PXDNL: variants seen among roughly 807,000 people sequenced by gnomAD.
PXDNL encodes peroxidasin like, also known as probable oxidoreductase PXDNL.
PXDNL carries 145 observed loss-of-function variants against 150.8 expected under a neutral mutation model. That is an observed-to-expected ratio of 0.96 (90% CI 0.84 to 1.10). PXDNL has a LOEUF of 1.10. Among genes scored for constraint, PXDNL ranks in the 50% least tolerant of loss-of-function variants. The pLI is 0.00. For missense variants in PXDNL, 2,087 were observed against 1,873.9 expected, an observed-to-expected ratio of 1.11 and a Z score of -2.10; for synonymous variants, 757 against 725.7, an observed-to-expected ratio of 1.04 and a Z score of -0.69.
intron 1 of PXDNL, among the ~76,000 whole-genome samples, chr8:51,762,988 T>TG (rs1339665123): frequency 6.6e-6 from 1 of 152,196 alleles, no homozygotes. Flanking sequence ...TACAATTCAG[T>TG]GGTTTCTAGC....
chr8:51,415,807 A>AT (rs1349994606), intron 14 of PXDNL, among the ~76,000 whole-genome samples: 13 of 152,270 alleles, frequency 8.5e-5, no homozygotes, highest in African/African-American at 2.9e-4. Context: ...TGTTACATAT[A>AT]TAGCAATGAT....
At chr8:51,723,870 G>T (rs970961425) in intron 1 of PXDNL, among the ~76,000 whole-genome samples, 3 of 152,144 alleles carry the variant, frequency 2.0e-5, no homozygotes, top group South Asian at 4.2e-4. Context: ...CAGTAAAACT[G>T]GTAGCAGGGA....
At chr8:51,626,701 C>T (rs541442497) in intron 2 of PXDNL, among the ~76,000 whole-genome samples, 45 of 152,120 alleles carry the variant, frequency 3.0e-4, no homozygotes, top group African/African-American at 9.7e-5. Flanking sequence ...CCAATCAGCT[C>T]GTCAATGTGA....
intron 6 of PXDNL, among the ~76,000 whole-genome samples, chr8:51,481,733 T>C (rs2130160563): frequency 6.6e-6 from 1 of 152,360 alleles, no homozygotes; most frequent in East Asian, 1.9e-4. Context: ...AACATACTTC[T>C]GAGGCCATTG....
At chr8:51,717,020 G>A (rs542829550) in intron 1 of PXDNL, among the ~76,000 whole-genome samples, 3 of 152,292 alleles carry the variant, frequency 2.0e-5, no homozygotes, top group South Asian at 2.1e-4. Context: ...CACCATACAA[G>A]ACCAGAGGAG....
At chr8:51,397,948 T>TA in intron 17 of PXDNL, among the ~76,000 whole-genome samples, 1 of 152,262 alleles carries the variant, frequency 6.6e-6, no homozygotes, top group Middle Eastern at 3.4e-3. Context: ...GACACATAGT[T>TA]AATTATGGTA....
chr8:51,332,364 C>T (rs11787070), intron 21 of PXDNL, among the ~76,000 whole-genome samples: 6,491 of 152,184 alleles, frequency 0.043, 286 homozygotes, highest in African/African-American at 0.11. Flanking sequence ...TGACAGAGCC[C>T]ACTCAAATGA....
chr8:51,339,543 G>A, intron 21 of PXDNL, 81 bp downstream of exon 21: 1 of 1,348,968 alleles, frequency 7.4e-7, no homozygotes, highest in Non-Finnish European at 1.0e-6. Context: ...CTGTAATTGT[G>A]GAGAGTTACT....
intron 16 of PXDNL, 89 bp downstream of exon 16, chr8:51,411,161 G>A: frequency 1.9e-6 from 2 of 1,069,736 alleles, no homozygotes; most frequent in Non-Finnish European, 1.2e-6. Flanking sequence ...ATGATATTCT[G>A]GAGATTAAAA....
chr8:51,448,314 G>A (rs12545563), intron 11 of PXDNL, among the ~76,000 whole-genome samples: 113,659 of 151,748 alleles, frequency 0.75, 43,652 homozygotes, highest in Non-Finnish European at 0.84. Context: ...AGGAACAGCA[G>A]CTCTTTTTTG....
Position 51,475,158 on chromosome 8 carries a change from G to T in PXDNL, c.525-17C>A, listed in dbSNP as rs188708891. The T allele has an allele frequency of 2.2e-5, 35 of 1,604,132 alleles. No individual in the cohort carries two copies. Among genetic ancestry groups the T allele is most frequent in the Admixed American group, 1.7e-4 (10 of 58,696 alleles). Reference sequence around the variant, plus strand: ...TCCAGACGCCTAGGCATGCAGGCAAGAAGTACAACTGTTAAAAGGGACTAT... The same window carrying T: ...TCCAGACGCCTAGGCATGCAGGCAATAAGTACAACTGTTAAAAGGGACTAT... On this transcript the variant is annotated splice_polypyrimidine_tract_variant and intron_variant, in intron 6 of 22. Coordinates refer to ENST00000356297, the MANE Select transcript of PXDNL (RefSeq NM_144651.5).
intron 19 of PXDNL, among the ~76,000 whole-genome samples, chr8:51,347,072 T>C (rs1806183400): frequency 6.6e-6 from 1 of 152,148 alleles, no homozygotes; most frequent in South Asian, 2.1e-4. Context: ...TTAATATTGG[T>C]GGGAAAATAC....
At chr8:51,643,805 G>A (rs1409708927) in intron 2 of PXDNL, among the ~76,000 whole-genome samples, 4 of 152,074 alleles carry the variant, frequency 2.6e-5, no homozygotes, top group African/African-American at 9.7e-5. Flanking sequence ...CTGACAAGGG[G>A]CTAATAGCCA....
Position 51,374,661 on chromosome 8 carries a change from T to A in PXDNL, c.3628A>T (p.Arg1210Ter), listed in dbSNP as rs778367237. 1 of 1,613,958 alleles carries A rather than the reference T, an allele frequency of 6.2e-7. No individual in the cohort carries two copies. Among genetic ancestry groups the A allele is most frequent in the Non-Finnish European group, 8.5e-7 (1 of 1,179,876 alleles). The stretch of plus-strand genomic sequence containing the variant: ...AGGCACATAAGTGTTGGTCCCACTC[T>A]TGTACCAGGAATCAGGTCTTCAACC... The part of the protein sequence containing the change: ...LMVEDLIPGT[R>*]VGPTLMCLFV... Residue 1210 changes from arginine to a stop codon, truncating the protein, a stop_gained, in exon 18 of 23, where the codon AGA becomes TGA. Transcript: ENST00000356297. LOFTEE classifies it high-confidence loss of function.
At chr8:51,442,228 T>C (rs539296306) in intron 12 of PXDNL, among the ~76,000 whole-genome samples, 1 of 151,410 alleles carries the variant, frequency 6.6e-6, no homozygotes, top group African/African-American at 2.4e-5. Flanking sequence ...GTGGGTTACA[T>C]ATTGTTTTCT....
intron 1 of PXDNL, among the ~76,000 whole-genome samples, chr8:51,696,819 A>G (rs1486265816): frequency 0.1 from 23 of 230 alleles, no homozygotes; most frequent in East Asian, 0.17. Flanking sequence ...ACACACACAC[A>G]CACACACACA....
intron 1 of PXDNL, among the ~76,000 whole-genome samples, chr8:51,797,399 T>C (rs58374296): frequency 2.0e-4 from 30 of 152,204 alleles, no homozygotes; most frequent in African/African-American, 5.8e-4. Flanking sequence ...TGTTTGCAGA[T>C]GACATGATCC....
chr8:51,587,877 T>C (rs1813360988), intron 3 of PXDNL, among the ~76,000 whole-genome samples: 1 of 152,176 alleles, frequency 6.6e-6, no homozygotes, highest in Non-Finnish European at 1.5e-5. Context: ...CTGACCTATG[T>C]GATAAATAAG....
chr8:51,763,669 G>GA lies in PXDNL; in HGVS notation c.164+45511dup, dbSNP rs914479642. Among the ~76,000 whole-genome samples, 87 of 149,316 alleles carry GA rather than the reference G, an allele frequency of 5.8e-4. No individual in the cohort carries two copies. In the East Asian group the frequency reaches 7.4e-3, roughly 13 times the overall value. ...TTTAATAAACTTCCATTCCTGCTCT[G>GA]AAAAAAAAAATTTATTCCTGAATAT... On this transcript the variant is annotated intron_variant, in intron 1 of 22. Transcript: ENST00000356297.
Sources: gnomAD v4.1 joint callset for allele counts (sites outside exome capture counted in the v4.1 genomes callset) on GRCh38, gnomAD v4.1.1 for gene constraint, MANE v1.5 for transcripts, NCBI Gene and HGNC (gene_info 2026-07-23, HGNC 2026-07-21) for gene names.